XPO5: variants seen among roughly 807,000 people sequenced by gnomAD.
XPO5 encodes the protein exportin 5.
In XPO5, 46 loss-of-function variants were observed where a neutral mutation model predicts 160.6. The ratio of observed to expected loss-of-function variants is 0.29; its 90% CI spans 0.23 to 0.37. XPO5 has a LOEUF of 0.37. Among genes scored for constraint, XPO5 ranks in the 10% least tolerant of loss-of-function variants. XPO5 has a pLI of 1.00. For synonymous variants in XPO5, 537 were observed against 519.3 expected (o/e 1.03, Z -0.46); for missense variants, 1,090 against 1,463.9 (o/e 0.74, Z 4.17).
intron 8 of XPO5, among the ~76,000 whole-genome samples, chr6:43,562,781 C>T (rs1762478822): frequency 1.3e-5 from 2 of 152,176 alleles, no homozygotes; most frequent in Admixed American, 6.5e-5. Context: ...ACCCACAGCA[C>T]AAACAGAAAC....
intron 27 of XPO5, chr6:43,526,281 A>G (rs1023166797): frequency 2.7e-6 from 1 of 364,004 alleles, no homozygotes; most frequent in Non-Finnish European, 5.1e-6. Context: ...ACATTCTAAC[A>G]TGGGAGATAG....
At chr6:43,531,234 T>A (rs1376049271) in intron 22 of XPO5, among the ~76,000 whole-genome samples, 1 of 140,538 alleles carries the variant, frequency 7.1e-6, no homozygotes, top group Non-Finnish European at 1.6e-5. Context: ...CATCATTTTA[T>A]ACACTAGAAA....
intron 12 of XPO5, among the ~76,000 whole-genome samples, chr6:43,557,574 G>T (rs1762166169): frequency 6.6e-6 from 1 of 152,134 alleles, no homozygotes; most frequent in Admixed American, 6.6e-5. Flanking sequence ...ACAGAAAGTA[G>T]ATTACTGGTT....
intron 20 of XPO5, among the ~76,000 whole-genome samples, chr6:43,535,853 T>A (rs901244893): frequency 6.9e-6 from 1 of 145,748 alleles, no homozygotes; most frequent in African/African-American, 2.6e-5. Flanking sequence ...CCGGGCGCAG[T>A]GGCTCACGCC....
At chr6:43,524,055 TAA>T (rs1353314730) in intron 31 of XPO5, 50 bp from the exon 32 acceptor site, 2 of 1,592,252 alleles carry the variant, frequency 1.3e-6, no homozygotes, top group South Asian at 1.1e-5. Flanking sequence ...CAGTAGTAGT[TAA>T]AAGATTCTCT....
chr6:43,563,381 C>T (rs1002519140), intron 8 of XPO5, among the ~76,000 whole-genome samples: 25 of 152,200 alleles, frequency 1.6e-4, no homozygotes, highest in African/African-American at 5.8e-4. Flanking sequence ...GCAATCTTCA[C>T]GGCTTGGCCT....
intron 20 of XPO5, among the ~76,000 whole-genome samples, chr6:43,545,520 A>G (rs2127726098): frequency 6.6e-6 from 1 of 152,194 alleles, no homozygotes; most frequent in South Asian, 2.1e-4. Flanking sequence ...CAGCCTGGCT[A>G]ACATGGCGAA....
intron 12 of XPO5, 109 bp from the exon 13 acceptor site, chr6:43,556,073 G>A: frequency 7.0e-7 from 1 of 1,436,546 alleles, no homozygotes. Flanking sequence ...CAAAGGAACT[G>A]TTTTGCAGAC....
At chr6:43,568,774 G>A in intron 5 of XPO5, 37 bp from the exon 6 acceptor site, 1 of 1,533,198 alleles carries the variant, frequency 6.5e-7, no homozygotes, top group Non-Finnish European at 8.8e-7. Flanking sequence ...TTTTTAATGA[G>A]CAAAAGGCCA....
intron 1 of XPO5, among the ~76,000 whole-genome samples, chr6:43,575,488 G>C (rs538944674): frequency 6.6e-6 from 1 of 152,234 alleles, no homozygotes; most frequent in African/African-American, 2.4e-5. Context: ...CAGAAGCGAG[G>C]AAAGGGGGAG....
chr6:43,573,572 A>G lies in XPO5; in HGVS notation c.135T>C (p.Pro45=). 1 of 1,613,622 alleles carries G rather than the reference A, an allele frequency of 6.2e-7. No homozygotes were observed. The highest frequency in any genetic ancestry group is 8.5e-7 in the Non-Finnish European group (1 of 1,179,662). The change falls in exon 2 of 32, where the codon CCT becomes CCC. Residue 45 remains proline, a synonymous_variant. Coordinates refer to ENST00000265351, the MANE Select transcript of XPO5 (RefSeq NM_020750.3). ...KFCEEFKEKC[P]ICVPCGLRLA... ...ACCTCAAGCCACAGGGGACACAGATAGGACACTTTTCTTTAAACTCCTCAC... is the reference window on the plus strand; with the variant it reads ...ACCTCAAGCCACAGGGGACACAGATGGGACACTTTTCTTTAAACTCCTCAC...
chr6:43,546,307 A>G (rs947404015), intron 20 of XPO5, among the ~76,000 whole-genome samples: 24 of 152,254 alleles, frequency 1.6e-4, no homozygotes, highest in African/African-American at 5.8e-4. Flanking sequence ...AGTATAAAGA[A>G]ATGGAAGAAC....
intron 1 of XPO5, among the ~76,000 whole-genome samples, chr6:43,575,081 G>A (rs1763229394): frequency 6.6e-6 from 1 of 152,158 alleles, no homozygotes; most frequent in Non-Finnish European, 1.5e-5. Context: ...CAAGAGCAGA[G>A]CATTCGGGTC....
intron 20 of XPO5, among the ~76,000 whole-genome samples, chr6:43,537,622 A>G (rs942486828): frequency 2.6e-5 from 4 of 152,230 alleles, no homozygotes; most frequent in South Asian, 4.1e-4. Flanking sequence ...GCAGAGTGCC[A>G]TATGTCCTCT....
intron 2 of XPO5, among the ~76,000 whole-genome samples, chr6:43,572,828 C>T (rs1561888858): frequency 6.6e-6 from 1 of 152,218 alleles, no homozygotes; most frequent in Non-Finnish European, 1.5e-5. Context: ...ATTTGTACCA[C>T]ACGTCAGCTT....
intron 8 of XPO5, among the ~76,000 whole-genome samples, chr6:43,562,863 A>C (rs1447005507): frequency 6.6e-6 from 1 of 152,192 alleles, no homozygotes; most frequent in Admixed American, 6.5e-5. Flanking sequence ...GTAACTACCC[A>C]AAAAACGTTA....
intron 20 of XPO5, among the ~76,000 whole-genome samples, chr6:43,542,602 T>A (rs1246107487): frequency 6.6e-6 from 1 of 152,024 alleles, no homozygotes; most frequent in Admixed American, 6.6e-5. Flanking sequence ...GTGGTGGTAT[T>A]TTGAGTAGAG....
chr6:43,553,314 G>A, intron 14 of XPO5, 59 bp downstream of exon 14: 1 of 1,547,970 alleles, frequency 6.5e-7, no homozygotes, highest in South Asian at 1.2e-5. Flanking sequence ...AATAGAAAGA[G>A]AAAAGAAAAG....
intron 14 of XPO5, among the ~76,000 whole-genome samples, chr6:43,551,745 G>A (rs1429367003): frequency 6.6e-6 from 1 of 152,006 alleles, no homozygotes; most frequent in Non-Finnish European, 1.5e-5. Context: ...CGACCAGGCT[G>A]GTCTCAAACT....
Sources: gnomAD v4.1 joint callset for allele counts (sites outside exome capture counted in the v4.1 genomes callset) on GRCh38, gnomAD v4.1.1 for gene constraint, MANE v1.5 for transcripts, NCBI Gene and HGNC (gene_info 2026-07-23, HGNC 2026-07-21) for gene names.